The following AFF1 variants were observed in gnomAD, a reference collection of about 807,000 sequenced individuals.
AFF1 encodes the protein AF4/FMR2 family member 1.
A neutral mutation model predicts 121.7 loss-of-function variants in AFF1; 48 were observed. That is an observed-to-expected ratio of 0.39 (90% CI 0.31 to 0.50). AFF1 has a LOEUF of 0.50. Among genes scored for constraint, AFF1 ranks in the 20% least tolerant of loss-of-function variants. AFF1 has a pLI of 0.76. For missense variants in AFF1, 1,523 were observed against 1,511.7 expected, an observed-to-expected ratio of 1.01 and a Z score of -0.12; for synonymous variants, 613 against 563.0, an observed-to-expected ratio of 1.09 and a Z score of -1.26.
intron 4 of AFF1, among the ~76,000 whole-genome samples, chr4:87,083,556 T>C (rs1287971850): frequency 1.3e-5 from 2 of 152,244 alleles, no homozygotes; most frequent in African/African-American, 4.8e-5. Context: ...GGCTTATTGG[T>C]TAGCTGTTGC....
At chr4:87,131,313 C>T (rs1728807503) in intron 17 of AFF1, 94 bp downstream of exon 17, 2 of 1,489,168 alleles carry the variant, frequency 1.3e-6, no homozygotes, top group African/African-American at 2.8e-5. Flanking sequence ...GAAGATGGCT[C>T]AATAAAGGGG....
rs1050044874 is a variant in AFF1, at chr4:87,138,077, G to C, written c.*2376G>C. 4.4e-6 allele frequency: 1 copy of C among 225,938 alleles called. No individual in the cohort carries two copies. The highest frequency in any genetic ancestry group is 8.7e-6 in the Non-Finnish European group (1 of 114,894). The allele number at this position is 225,938 out of a possible 1,614,324, so 14.0% of individuals were successfully genotyped here. A position where few individuals can be genotyped will look rare whatever the true frequency, so the allele number is the denominator to read the frequency against. ...GATATAAAGATTTTATTTGTCCCTTGAAAAAGTAACAAATGTGCATAGATC... is the reference window on the plus strand; with the variant it reads ...GATATAAAGATTTTATTTGTCCCTTCAAAAAGTAACAAATGTGCATAGATC... On this transcript the variant is annotated 3_prime_UTR_variant, in exon 21 of 21. Coordinates refer to ENST00000395146, the MANE Select transcript of AFF1 (RefSeq NM_001166693.3).
intron 2 of AFF1, among the ~76,000 whole-genome samples, chr4:86,982,871 A>C (rs912165538): frequency 3.5e-5 from 5 of 144,698 alleles, no homozygotes; most frequent in Admixed American, 1.4e-4. Context: ...AAAAAAAAAA[A>C]AAAAGGAAGC....
rs1247881727 is a variant in AFF1, at chr4:87,049,010, G to C, written c.1059+1416G>C. Among the ~76,000 whole-genome samples the C allele has an allele frequency of 2.1e-5, 3 of 139,870 alleles. 1 individual carries two copies. In the Admixed American group the frequency reaches 2.2e-4, roughly 10 times the overall value. 91.8% of individuals were successfully genotyped at this position (139,870 alleles called of 152,430 possible). A position where few individuals can be genotyped will look rare whatever the true frequency, so the allele number is the denominator to read the frequency against. ...GTCACTCCCCCTGCCTTCTAATTCAGGCAATAAAGAACTCAATGAGAGTTT... is the reference window on the plus strand; with the variant it reads ...GTCACTCCCCCTGCCTTCTAATTCACGCAATAAAGAACTCAATGAGAGTTT... On this transcript the variant is annotated intron_variant, in intron 4 of 20. Transcript: ENST00000395146.
intron 2 of AFF1, among the ~76,000 whole-genome samples, chr4:86,997,174 A>G (rs1264081315): frequency 6.6e-6 from 1 of 152,248 alleles, no homozygotes; most frequent in East Asian, 1.9e-4. Context: ...GGCCCCCCAA[A>G]GTGCTGGGAT....
intron 4 of AFF1, among the ~76,000 whole-genome samples, chr4:87,062,505 C>T (rs1382893373): frequency 6.6e-6 from 1 of 151,964 alleles, no homozygotes; most frequent in Non-Finnish European, 1.5e-5. Flanking sequence ...CAGGAGTTAT[C>T]GATGCTTTTT....
At position 86,997,578 on chromosome 4, in the gene AFF1, C is replaced by T. The variant is rs569531214; in HGVS notation, c.39-48588C>T. 1.9e-4 allele frequency among the ~76,000 whole-genome samples: 28 copies of T among 147,646 alleles called. No individual in the cohort carries two copies. In the South Asian group the frequency reaches 3.2e-3, roughly 17 times the overall value. ...GAGATCGAGACCATCCTGGCCAACA[C>T]GGTGAAACCCCATCTCTACTAAAAA... On this transcript the variant is annotated intron_variant, in intron 2 of 20. Coordinates refer to ENST00000395146, the MANE Select transcript of AFF1 (RefSeq NM_001166693.3).
chr4:86,990,777 A>C (rs1217531346), intron 2 of AFF1, among the ~76,000 whole-genome samples: 2 of 151,852 alleles, frequency 1.3e-5, no homozygotes, highest in East Asian at 3.8e-4. Context: ...AGTACTGAGA[A>C]AACTGTTTGG....
At chr4:86,966,479 C>T (rs548015270) in intron 2 of AFF1, among the ~76,000 whole-genome samples, 117 of 152,176 alleles carry the variant, frequency 7.7e-4, no homozygotes, top group African/African-American at 2.8e-3. Flanking sequence ...CACCATCCCC[C>T]AGTGGGTGAT....
At chr4:86,994,103 C>T (rs576723755) in intron 2 of AFF1, among the ~76,000 whole-genome samples, 1 of 152,366 alleles carries the variant, frequency 6.6e-6, no homozygotes, top group African/African-American at 2.4e-5. Flanking sequence ...TAACAAGGCA[C>T]TAAAACACAG....
At chr4:87,016,446 G>A (rs868745261) in intron 2 of AFF1, among the ~76,000 whole-genome samples, 1 of 151,786 alleles carries the variant, frequency 6.6e-6, no homozygotes, top group Non-Finnish European at 1.5e-5. Context: ...AGCTACTCGG[G>A]AGACTGAGGC....
chr4:86,938,364 C>A (rs957203547), intron 1 of AFF1, among the ~76,000 whole-genome samples: 3 of 150,750 alleles, frequency 2.0e-5, no homozygotes, highest in Non-Finnish European at 4.4e-5. Flanking sequence ...GCAGGAAAGT[C>A]GCTTGAACCC....
chr4:87,061,933 A>G (rs1316226425), intron 4 of AFF1, among the ~76,000 whole-genome samples: 1 of 152,204 alleles, frequency 6.6e-6, no homozygotes, highest in East Asian at 1.9e-4. Flanking sequence ...CTCTATCCAA[A>G]CATAGAGATG....
intron 2 of AFF1, among the ~76,000 whole-genome samples, chr4:86,995,364 C>G (rs868743479): frequency 2.2e-3 from 309 of 142,392 alleles, no homozygotes; most frequent in African/African-American, 7.5e-3. Context: ...GATGCCGAGC[C>G]GAAGCTGGAC....
chr4:87,123,512 C>T (rs1727922677), intron 12 of AFF1, among the ~76,000 whole-genome samples: 1 of 152,108 alleles, frequency 6.6e-6, no homozygotes, highest in African/African-American at 2.4e-5. Context: ...TGTGCACATG[C>T]CGCAAGATTA....
intron 2 of AFF1, among the ~76,000 whole-genome samples, chr4:87,009,177 A>G (rs1560536272): frequency 6.6e-6 from 1 of 152,170 alleles, no homozygotes; most frequent in Non-Finnish European, 1.5e-5. Context: ...ATTAGCTCTG[A>G]CTCTTCTCAG....
chr4:87,129,543 AT>A (rs1478607020), intron 16 of AFF1, among the ~76,000 whole-genome samples: 1 of 152,254 alleles, frequency 6.6e-6, no homozygotes, highest in Non-Finnish European at 1.5e-5. Flanking sequence ...GAATAAGTAT[AT>A]TTGGAGAATT....
At position 87,047,121 on chromosome 4, in the gene AFF1, G is replaced by T. The variant is rs1387603442; in HGVS notation, c.586G>T (p.Val196Leu). The T allele has an allele frequency of 6.2e-7, 1 of 1,614,078 alleles. No homozygotes were observed. The highest frequency in any genetic ancestry group is 8.5e-7 in the Non-Finnish European group (1 of 1,180,052). ...RRADGDHCAS[V>L]TDSAPERELS... Reference sequence around the variant, plus strand: ...AGCTGACGGAGACCACTGTGCTTCGGTGACAGATTCGGCTCCAGAGAGGGA... The same window carrying T: ...AGCTGACGGAGACCACTGTGCTTCGTTGACAGATTCGGCTCCAGAGAGGGA... Residue 196 changes from valine to leucine, a missense_variant, in exon 4 of 21, where the codon GTG (valine) becomes TTG (leucine). Physicochemically the swap from Val to Leu is conservative, Grantham distance 32. Coordinates refer to ENST00000395146, the MANE Select transcript of AFF1 (RefSeq NM_001166693.3).
At chr4:86,991,672 T>G (rs1724732197) in intron 2 of AFF1, among the ~76,000 whole-genome samples, 1 of 138,852 alleles carries the variant, frequency 7.2e-6, no homozygotes, top group South Asian at 2.1e-4. Flanking sequence ...TTTTACTACG[T>G]TTTTTTTTAA....
Sources: gnomAD v4.1 joint callset for allele counts (sites outside exome capture counted in the v4.1 genomes callset) on GRCh38, gnomAD v4.1.1 for gene constraint, MANE v1.5 for transcripts, NCBI Gene and HGNC (gene_info 2026-07-23, HGNC 2026-07-21) for gene names.